WDSUB1: variants seen among roughly 807,000 people sequenced by gnomAD.
WDSUB1 encodes WD repeat, SAM and U-box domain-containing protein 1.
A neutral mutation model predicts 53.9 loss-of-function variants in WDSUB1; 49 were observed. The observed-to-expected ratio is 0.91, with a 90% confidence interval of 0.72 to 1.15. WDSUB1 has a LOEUF of 1.15. Ranked by LOEUF, WDSUB1 falls within the 50% of genes most tolerant of loss-of-function variation. The probability of loss-of-function intolerance (pLI) is 0.00; values close to 1 mark genes in which losing one functional copy is unlikely to be tolerated. For synonymous variants in WDSUB1, 194 were observed against 200.6 expected (o/e 0.97, Z 0.28); for missense variants, 514 against 562.0 (o/e 0.91, Z 0.86).
chr2:159,285,936 G>A (rs533226835), intron 1 of WDSUB1, among the ~76,000 whole-genome samples: 43 of 152,244 alleles, frequency 2.8e-4, no homozygotes, highest in Admixed American at 7.2e-4. Flanking sequence ...GCGCACAGGT[G>A]ATTTTCCAAA....
intron 6 of WDSUB1, among the ~76,000 whole-genome samples, chr2:159,259,018 A>G (rs1228419836): frequency 6.7e-6 from 1 of 149,132 alleles, no homozygotes; most frequent in Non-Finnish European, 1.5e-5. Flanking sequence ...TTTGGACAAT[A>G]TTTTTTTCAA....
rs1038689246 is a variant in WDSUB1 at position 159,241,917 on chromosome 2, G to C, written c.1274-5727C>G. Among the ~76,000 whole-genome samples the C allele has an allele frequency of 4.8e-5, 7 of 146,588 alleles. 1 individual carries two copies. The highest frequency in any genetic ancestry group is 3.5e-3 in the Middle Eastern group (1 of 288). ...AGAAAGATGCCTATAAACAGAGTAA[G>C]AGTTAATTTCGGTAACATCCATACC... On this transcript the variant is annotated intron_variant, in intron 10 of 10. Transcript: ENST00000359774.
chr2:159,240,482 C>G (rs961724187), intron 10 of WDSUB1, among the ~76,000 whole-genome samples: 1 of 152,166 alleles, frequency 6.6e-6, no homozygotes, highest in Non-Finnish European at 1.5e-5. Flanking sequence ...CTTGCCAACA[C>G]GTATTTTCCT....
chr2:159,265,019 G>A lies in WDSUB1; in HGVS notation c.771-5176C>T, dbSNP rs572446301. 1.1e-4 allele frequency among the ~76,000 whole-genome samples: 17 copies of A among 151,354 alleles called. 1 individual carries two copies. The East Asian group carries it at 3.3e-3, about 29-fold the overall frequency. On this transcript the variant is annotated intron_variant, in intron 5 of 10. Coordinates refer to ENST00000359774, the MANE Select transcript of WDSUB1 (RefSeq NM_001128212.3). ...GAAGCACTTGAACCTGGAAGGCAGA[G>A]GTTGCAGTGAGCTGAGATCGCGCCA...
intron 1 of WDSUB1, among the ~76,000 whole-genome samples, chr2:159,285,179 A>C (rs2061762245): frequency 6.6e-6 from 1 of 152,196 alleles, no homozygotes; most frequent in African/African-American, 2.4e-5. Context: ...ATATAAGTTG[A>C]ATATTTATTT....
At chr2:159,256,783 A>ATT (rs1356042907) in intron 8 of WDSUB1, among the ~76,000 whole-genome samples, 3 of 152,192 alleles carry the variant, frequency 2.0e-5, no homozygotes, top group Non-Finnish European at 2.9e-5. Context: ...AAACTCCTAA[A>ATT]TTATGTGCCA....
intron 2 of WDSUB1, among the ~76,000 whole-genome samples, chr2:159,280,640 G>A (rs950984718): frequency 5.6e-5 from 7 of 123,980 alleles, no homozygotes; most frequent in African/African-American, 1.2e-4. Flanking sequence ...GCAGTGAGCC[G>A]AGATCCCGCC....
chr2:159,261,894 ATATTTTTTTTTTTTTTTTTTT>A (rs1558856813), intron 5 of WDSUB1, among the ~76,000 whole-genome samples: 7 of 13,308 alleles, frequency 5.3e-4, no homozygotes, highest in Non-Finnish European at 7.5e-4. Flanking sequence ...ATATATATAT[ATATTTTTTTTTTTTTTTTTTT>A]TTTTTTTTTT....
At chr2:159,248,274 A>C (rs950698820) in intron 10 of WDSUB1, 98 bp downstream of exon 10, 3 of 1,438,766 alleles carry the variant, frequency 2.1e-6, no homozygotes, top group Middle Eastern at 2.6e-4. Context: ...AAACTACTTA[A>C]AATTCTTCAC....
In WDSUB1 at chr2:159,236,192, TAAAA is replaced by T. The variant is rs548179925; in HGVS notation, c.1274-6_1274-3del. The T allele has an allele frequency of 1.2e-6, 1 of 844,190 alleles. No individual in the cohort carries two copies. The highest frequency in any genetic ancestry group is 1.7e-5 in the African/African-American group (1 of 57,956). 52.3% of individuals were successfully genotyped at this position (844,190 alleles called of 1,614,324 possible). On this transcript the variant is annotated splice_region_variant and splice_polypyrimidine_tract_variant and intron_variant, in intron 10 of 10. Coordinates refer to ENST00000359774, the MANE Select transcript of WDSUB1 (RefSeq NM_001128212.3). ...CTTCCTTTTCATATGAATAGCCATC[TAAAA>T]AAAAAAAATCACACAAATTACATGA...
At chr2:159,277,242 A>G (rs2061561125) in intron 3 of WDSUB1, among the ~76,000 whole-genome samples, 1 of 152,236 alleles carries the variant, frequency 6.6e-6, no homozygotes, top group Non-Finnish European at 1.5e-5. Context: ...TCTGTAGCAT[A>G]GATTTACCCA....
At chr2:159,243,744 G>A (rs2060718395) in intron 10 of WDSUB1, among the ~76,000 whole-genome samples, 1 of 152,140 alleles carries the variant, frequency 6.6e-6, no homozygotes, top group East Asian at 1.9e-4. Flanking sequence ...TGCTATTTAT[G>A]TATACCTTCT....
chr2:159,270,889 GAT>G (rs2061431930), intron 5 of WDSUB1, among the ~76,000 whole-genome samples: 1 of 151,858 alleles, frequency 6.6e-6, no homozygotes, highest in Admixed American at 6.6e-5. Flanking sequence ...GTAAGAAAAA[GAT>G]AACCTAGAGA....
chr2:159,280,708 A>AAAAAAAAAAAACAAAAC (rs111752652), intron 2 of WDSUB1, among the ~76,000 whole-genome samples: 1 of 134,322 alleles, frequency 7.4e-6, no homozygotes, highest in African/African-American at 3.4e-5. Flanking sequence ...AAAAAAAAAA[A>AAAAAAAAAAAACAAAAC]ATTACCCAGA....
chr2:159,285,671 A>T (rs1292233270), intron 1 of WDSUB1, among the ~76,000 whole-genome samples: 1 of 152,150 alleles, frequency 6.6e-6, no homozygotes, highest in Non-Finnish European at 1.5e-5. Context: ...GCACCACTGC[A>T]CTCTAGCCTG....
At chr2:159,250,024 G>A (rs1025573783) in intron 9 of WDSUB1, among the ~76,000 whole-genome samples, 1 of 150,198 alleles carries the variant, frequency 6.7e-6, no homozygotes, top group Non-Finnish European at 1.5e-5. Context: ...AGGAGGCGGA[G>A]GTTGCAGTGA....
At chr2:159,274,000 A>G (rs2061492025) in intron 4 of WDSUB1, among the ~76,000 whole-genome samples, 8 of 152,220 alleles carry the variant, frequency 5.3e-5, no homozygotes, top group Admixed American at 3.9e-4. Flanking sequence ...AAAATTTCAG[A>G]TTCCCCATGA....
At chr2:159,245,576 G>A (rs2060776835) in intron 10 of WDSUB1, among the ~76,000 whole-genome samples, 1 of 151,348 alleles carries the variant, frequency 6.6e-6, no homozygotes, top group Admixed American at 6.6e-5. Context: ...TCGAAGCACT[G>A]TGGTAACCGG....
At chr2:159,282,332 A>G (rs536628746) in intron 2 of WDSUB1, among the ~76,000 whole-genome samples, 35 of 152,184 alleles carry the variant, frequency 2.3e-4, no homozygotes, top group Middle Eastern at 3.4e-3. Flanking sequence ...AGCTGGGACT[A>G]CAGGCGCCTG....
Sources: allele counts gnomAD v4.1 joint callset (sites outside exome capture counted in the v4.1 genomes callset), GRCh38; gene constraint gnomAD v4.1.1; transcripts MANE v1.5; gene names NCBI Gene and HGNC (gene_info 2026-07-23, HGNC 2026-07-21).